PCDHGA8: variants seen among roughly 807,000 people sequenced by gnomAD.
PCDHGA8 encodes the protein protocadherin gamma-A8.
In PCDHGA8, 45 loss-of-function variants were observed where a neutral mutation model predicts 59.2. The ratio of observed to expected loss-of-function variants is 0.76; its 90% CI spans 0.60 to 0.98. PCDHGA8 has a LOEUF of 0.98. PCDHGA8 is among the 50% of genes least tolerant of loss of function. The pLI is 0.00. For synonymous variants in PCDHGA8, 531 were observed against 519.0 expected (o/e 1.02, Z -0.32); for missense variants, 1,257 against 1,196.2 (o/e 1.05, Z -0.75).
At chr5:141,412,591 A>G (rs2095564760) in intron 1 of PCDHGA8, 1 of 152,214 alleles carries the variant, frequency 6.6e-6, no homozygotes, top group Non-Finnish European at 1.5e-5. Flanking sequence ...ATGAATGTAT[A>G]CTAAATAAAA....
chr5:141,394,347 G>C lies in PCDHGA8; in HGVS notation c.1534G>C (p.Gly512Arg), dbSNP rs770737407. 6.2e-7 allele frequency: 1 copy of C among 1,614,118 alleles called. No individual in the cohort carries two copies. Among genetic ancestry groups the C allele is most frequent in the Non-Finnish European group, 8.5e-7 (1 of 1,180,020 alleles). ...GTATATCTCCATCAACTCTGACACC[G>C]GTGTCCTGTATGCGCTGCAATCTTT... ...SSYISINSDT[G>R]VLYALQSFDY... The change falls in exon 1 of 4, where the codon GGT becomes CGT. Residue 512 changes from glycine to arginine, a missense_variant. Transcript: ENST00000398604.
rs1248714579 is a variant in PCDHGA8 at position 141,489,513 on chromosome 5, C to A, written c.2425-5294C>A. The A allele has an allele frequency of 6.2e-7, 1 of 1,614,000 alleles. No homozygotes were observed. Among genetic ancestry groups the A allele is most frequent in the African/African-American group, 1.3e-5 (1 of 74,918 alleles). ...CCCTGGCAGTGAATCAAAAGATTGACCGAGAAAGCCTATGTGGAGCCAGCA... is the reference window on the plus strand; with the variant it reads ...CCCTGGCAGTGAATCAAAAGATTGAACGAGAAAGCCTATGTGGAGCCAGCA... On this transcript the variant is annotated intron_variant, in intron 1 of 3. Coordinates refer to ENST00000398604, the MANE Select transcript of PCDHGA8 (RefSeq NM_032088.2). The surrounding 1 kb of genome is among the most constrained non-coding windows in gnomAD (Gnocchi z 4.5).
intron 1 of PCDHGA8, among the ~76,000 whole-genome samples, chr5:141,480,976 T>G (rs1485868136): frequency 6.6e-6 from 1 of 152,108 alleles, no homozygotes; most frequent in Non-Finnish European, 1.5e-5. Context: ...GGAGAATCAG[T>G]GAACCCAGGA....
intron 1 of PCDHGA8, chr5:141,428,048 G>A: frequency 6.2e-7 from 1 of 1,608,900 alleles, no homozygotes; most frequent in Admixed American, 1.7e-5. Context: ...TGGTGACCAA[G>A]GTGGTGGCGG....
chr5:141,393,304 T>A lies in PCDHGA8; in HGVS notation c.491T>A (p.Val164Glu). ...GAAGCTGTTGACCCGGATGTGGGCG[T>A]GAACTCCCTCCAGAGCTACCAGCTC... is the stretch of plus-strand genomic sequence containing the variant. ...LPEAVDPDVG[V>E]NSLQSYQLSP... The change falls in exon 1 of 4, where the codon GTG (valine) becomes GAG (glutamate). Residue 164 changes from valine (V) to glutamate (E), a missense_variant. Val to Glu is a moderately radical substitution (Grantham distance 121, BLOSUM62 -2). Transcript: ENST00000398604. 1 of 1,613,798 alleles carries A rather than the reference T, an allele frequency of 6.2e-7. No homozygotes were observed. Among genetic ancestry groups the A allele is most frequent in the African/African-American group, 1.3e-5 (1 of 74,942 alleles).
intron 1 of PCDHGA8, among the ~76,000 whole-genome samples, chr5:141,483,993 G>T (rs1307708919): frequency 6.8e-6 from 1 of 147,882 alleles, no homozygotes; most frequent in Non-Finnish European, 1.5e-5. Flanking sequence ...AGGTTGCTGG[G>T]AGGTCTGGAT....
chr5:141,423,554 A>G (rs1383467583), intron 1 of PCDHGA8: 8 of 1,613,590 alleles, frequency 5.0e-6, no homozygotes, highest in East Asian at 4.5e-5. Flanking sequence ...CAGCCCAACT[A>G]TGGGGACACG....
At position 141,410,845 on chromosome 5, in the gene PCDHGA8, TTGTC is replaced by T. The variant is rs1434874838; in HGVS notation, c.2424+15610_2424+15613del. 23 of 429,726 alleles carry T rather than the reference TTGTC, an allele frequency of 5.4e-5. 1 individual carries two copies. Among genetic ancestry groups the T allele is most frequent in the Admixed American group, 8.8e-5 (2 of 22,654 alleles). The allele number at this position is 429,726 out of a possible 1,614,324, so 26.6% of individuals were successfully genotyped here. A position where few individuals can be genotyped will look rare whatever the true frequency, so the allele number is the denominator to read the frequency against. Reference sequence around the variant, plus strand: ...TCACCAGACTGAAGATATTTTGTCTTTGTCTTTTTTTTTTTTTTTTTTTTTTGAG... The same window carrying T: ...TCACCAGACTGAAGATATTTTGTCTTTTTTTTTTTTTTTTTTTTTTTTGAG... On this transcript the variant is annotated intron_variant, in intron 1 of 3. Transcript: ENST00000398604.
In PCDHGA8 at chr5:141,471,102, G is replaced by A. The variant is rs922174682; in HGVS notation, c.2425-23705G>A. 3.4e-5 allele frequency among the ~76,000 whole-genome samples: 5 copies of A among 146,522 alleles called. No individual in the cohort carries two copies. The Admixed American group carries it at 3.5e-4, about 10-fold the overall frequency. On this transcript the variant is annotated intron_variant, in intron 1 of 3. Coordinates refer to ENST00000398604, the MANE Select transcript of PCDHGA8 (RefSeq NM_032088.2). ...CTCCCTCTGTTGTCCAGGCTAGAGTGCAGTGGTGCGATCTTACCTTCACTG... is the reference window on the plus strand; with the variant it reads ...CTCCCTCTGTTGTCCAGGCTAGAGTACAGTGGTGCGATCTTACCTTCACTG...
Position 141,431,634 on chromosome 5 carries a change from T to C in PCDHGA8, c.2424+36397T>C. 2.5e-6 allele frequency: 4 copies of C among 1,614,238 alleles called. No homozygotes were observed. Among genetic ancestry groups the C allele is most frequent in the Non-Finnish European group, 3.4e-6 (4 of 1,180,044 alleles). ...GTGGACGACAAGGCGGCCCAAGTTTTCAAACTAGATTGTAATTCAGGGACA... is the reference window on the plus strand; with the variant it reads ...GTGGACGACAAGGCGGCCCAAGTTTCCAAACTAGATTGTAATTCAGGGACA... On this transcript the variant is annotated intron_variant, in intron 1 of 3. Coordinates refer to ENST00000398604, the MANE Select transcript of PCDHGA8 (RefSeq NM_032088.2). The surrounding 1 kb of genome is among the most constrained non-coding windows in gnomAD (Gnocchi z 4.8).
At position 141,393,984 on chromosome 5, in the gene PCDHGA8, C is replaced by T. The variant is rs1176875822; in HGVS notation, c.1171C>T (p.Pro391Ser). 6.2e-7 allele frequency: 1 copy of T among 1,613,570 alleles called. No individual in the cohort carries two copies. Among genetic ancestry groups the T allele is most frequent in the Non-Finnish European group, 8.5e-7 (1 of 1,179,718 alleles). ...QVVCYTRDNL[P>S]FKLEKSIGNY... ...TGTCTGTTACACACGTGATAATTTA[C>T]CTTTTAAATTAGAAAAGTCAATAGG... Residue 391 changes from proline (P) to serine (S), a missense_variant, in exon 1 of 4, where the codon CCT becomes TCT. By Grantham distance (74) the Pro-to-Ser change is moderately conservative (BLOSUM62 -1). Transcript: ENST00000398604.
chr5:141,403,243 T>C (rs1363955978), intron 1 of PCDHGA8: 2 of 1,613,894 alleles, frequency 1.2e-6, no homozygotes, highest in East Asian at 4.5e-5. Context: ...AGCTCTGTGC[T>C]CAGAGCCCGC....
In PCDHGA8 at chr5:141,404,317, C is replaced by T. The variant is rs375857083; in HGVS notation, c.2424+9080C>T. On this transcript the variant is annotated intron_variant, in intron 1 of 3. Transcript: ENST00000398604. ...ATAATCCACCTGCTTTCTCTCAAGC[C>T]TCCTACTCAGTCTACCTCCCGGAAA... 6.2e-6 allele frequency: 10 copies of T among 1,613,780 alleles called. No homozygotes were observed. In the African/African-American group the frequency reaches 1.2e-4, roughly 19 times the overall value.
intron 1 of PCDHGA8, chr5:141,404,708 T>C: frequency 6.2e-7 from 1 of 1,614,064 alleles, no homozygotes; most frequent in Non-Finnish European, 8.5e-7. Context: ...AGAGCCTGGC[T>C]ACCTGGTGAC....
At chr5:141,418,163 T>G in intron 1 of PCDHGA8, 1 of 1,614,002 alleles carries the variant, frequency 6.2e-7, no homozygotes, top group Non-Finnish European at 8.5e-7. Context: ...GAGAAGAAGA[T>G]GTGAGTTGCA....
At chr5:141,478,708 A>G (rs1394463788) in intron 1 of PCDHGA8, 31 of 1,548,072 alleles carry the variant, frequency 2.0e-5, no homozygotes, top group Non-Finnish European at 2.5e-5. Context: ...TGCCTTTGTG[A>G]GATGGTGGCC....
chr5:141,422,175 T>G (rs2096631593), intron 1 of PCDHGA8: 1 of 1,564,276 alleles, frequency 6.4e-7, no homozygotes, highest in Non-Finnish European at 8.6e-7. Context: ...ATAGATTCTA[T>G]GAGATGGAAA....
rs774649069 is a variant in PCDHGA8 at position 141,477,417 on chromosome 5, C to G, written c.2425-17390C>G. The G allele has an allele frequency of 1.2e-6, 2 of 1,614,172 alleles. No individual in the cohort carries two copies. The highest frequency in any genetic ancestry group is 2.7e-5 in the African/African-American group (2 of 75,032). On this transcript the variant is annotated intron_variant, in intron 1 of 3. Coordinates refer to ENST00000398604, the MANE Select transcript of PCDHGA8 (RefSeq NM_032088.2). The surrounding 1 kb of genome is among the most constrained non-coding windows in gnomAD (Gnocchi z 4.9). Reference sequence around the variant, plus strand: ...AGCATCACCGCCCGAGACGCCGGAACCCCTTCCCTCTCAGCCCTTACAATA... The same window carrying G: ...AGCATCACCGCCCGAGACGCCGGAAGCCCTTCCCTCTCAGCCCTTACAATA...
At chr5:141,429,848 C>T (rs567448097) in intron 1 of PCDHGA8, among the ~76,000 whole-genome samples, 25 of 152,228 alleles carry the variant, frequency 1.6e-4, no homozygotes, top group African/African-American at 5.8e-4. Context: ...AAGTCTGTAA[C>T]ATTCTTTGGA....
Sources: allele counts gnomAD v4.1 joint callset (sites outside exome capture counted in the v4.1 genomes callset), GRCh38; gene constraint gnomAD v4.1.1; non-coding constraint Gnocchi (gnomAD v3.1); transcripts MANE v1.5; gene names NCBI Gene and HGNC (gene_info 2026-07-23, HGNC 2026-07-21).